EPYC: variants seen among roughly 807,000 people sequenced by gnomAD.
EPYC encodes epiphycan.
In EPYC, 28 loss-of-function variants were observed where a neutral mutation model predicts 30.1. The observed-to-expected ratio is 0.93, with a 90% CI of 0.69 to 1.28. The LOEUF (loss-of-function observed/expected upper bound fraction) is 1.28. Ranked by LOEUF, EPYC falls within the 50% of genes most tolerant of loss-of-function variation. The pLI is 0.00. For missense variants in EPYC, 382 were observed against 383.5 expected, an observed-to-expected ratio of 1.00 and a Z score of 0.03; for synonymous variants, 144 against 141.4, an observed-to-expected ratio of 1.02 and a Z score of -0.13.
intron 2 of EPYC, among the ~76,000 whole-genome samples, chr12:90,993,702 A>C (rs1877637324): frequency 6.6e-6 from 1 of 151,370 alleles, no homozygotes; most frequent in East Asian, 1.9e-4. Context: ...TAATATATAT[A>C]AGATATGATA....
intron 2 of EPYC, among the ~76,000 whole-genome samples, chr12:90,996,892 G>A (rs143499201): frequency 7.1e-4 from 108 of 151,974 alleles, no homozygotes; most frequent in African/African-American, 2.3e-3. Context: ...AACAACATAT[G>A]GTAATACTTT....
At chr12:91,004,146 A>G (rs1877896444) in intron 1 of EPYC, among the ~76,000 whole-genome samples, 1 of 152,276 alleles carries the variant, frequency 6.6e-6, no homozygotes, top group South Asian at 2.1e-4. Context: ...AAACATTAAC[A>G]GAAGCCACTA....
intron 5 of EPYC, among the ~76,000 whole-genome samples, chr12:90,971,450 A>G (rs1877041198): frequency 6.6e-6 from 1 of 152,044 alleles, no homozygotes; most frequent in African/African-American, 2.4e-5. Flanking sequence ...CGGGAGGATC[A>G]CTGGAGCCCA....
At chr12:90,974,711 G>C (rs1298101758) in intron 3 of EPYC, among the ~76,000 whole-genome samples, 1 of 152,080 alleles carries the variant, frequency 6.6e-6, no homozygotes, top group Non-Finnish European at 1.5e-5. Context: ...TAGATTATTT[G>C]TCTGGAAACA....
At chr12:90,979,402 T>C (rs907654379) in intron 2 of EPYC, among the ~76,000 whole-genome samples, 8 of 152,164 alleles carry the variant, frequency 5.3e-5, no homozygotes, top group Non-Finnish European at 1.2e-4. Context: ...TATTTCTGGA[T>C]TACTTAATAC....
At chr12:90,978,380 A>C (rs935556866) in intron 2 of EPYC, 118 bp from the exon 3 acceptor site, 8 of 941,814 alleles carry the variant, frequency 8.5e-6, no homozygotes, top group African/African-American at 3.5e-5. Flanking sequence ...CATGTTCTAA[A>C]GTTCAATAGT....
At chr12:90,967,753 A>C (rs2120793944) in intron 6 of EPYC, among the ~76,000 whole-genome samples, 1 of 152,282 alleles carries the variant, frequency 6.6e-6, no homozygotes. Flanking sequence ...CAGGAGGATC[A>C]CTTGAGGCCA....
At chr12:90,968,399 T>A (rs946014327) in intron 6 of EPYC, among the ~76,000 whole-genome samples, 2 of 152,168 alleles carry the variant, frequency 1.3e-5, no homozygotes, top group Non-Finnish European at 2.9e-5. Context: ...TAGTTTTGGG[T>A]CTAGAATTTC....
At chr12:90,987,341 T>C (rs1877476351) in intron 2 of EPYC, among the ~76,000 whole-genome samples, 1 of 149,524 alleles carries the variant, frequency 6.7e-6, no homozygotes, top group African/African-American at 2.4e-5. Context: ...ACAGAAACAT[T>C]CCAAGCTTGT....
At chr12:90,966,177 GA>G (rs1278381696) in intron 6 of EPYC, among the ~76,000 whole-genome samples, 1 of 151,926 alleles carries the variant, frequency 6.6e-6, no homozygotes, top group Non-Finnish European at 1.5e-5. Flanking sequence ...GCTCAATACT[GA>G]ATAGAAGTGG....
intron 2 of EPYC, among the ~76,000 whole-genome samples, chr12:90,986,774 A>G (rs1185622465): frequency 1.3e-5 from 2 of 152,172 alleles, no homozygotes. Context: ...CAGGACTATG[A>G]GCTGAATAAA....
intron 1 of EPYC, among the ~76,000 whole-genome samples, chr12:91,004,558 AC>A (rs1283891571): frequency 1.3e-5 from 2 of 152,088 alleles, no homozygotes; most frequent in Non-Finnish European, 2.9e-5. Context: ...TCATTACAAT[AC>A]TTTTAATCTC....
intron 2 of EPYC, among the ~76,000 whole-genome samples, chr12:90,983,412 C>T (rs968632661): frequency 6.6e-6 from 1 of 152,140 alleles, no homozygotes; most frequent in Non-Finnish European, 1.5e-5. Context: ...TTAAAAGCAA[C>T]TAGTGCGGCT....
chr12:90,996,692 C>T (rs1015315116), intron 2 of EPYC, among the ~76,000 whole-genome samples: 1 of 151,968 alleles, frequency 6.6e-6, no homozygotes, highest in African/African-American at 2.4e-5. Context: ...AATCTAGCCA[C>T]TTTATCTGTC....
chr12:90,988,673 A>G (rs1226610739), intron 2 of EPYC, among the ~76,000 whole-genome samples: 1 of 152,160 alleles, frequency 6.6e-6, no homozygotes, highest in Non-Finnish European at 1.5e-5. Flanking sequence ...GAAAATGTCT[A>G]TATTATGGCA....
chr12:91,003,516 A>G (rs1216463372), intron 1 of EPYC, among the ~76,000 whole-genome samples: 1 of 152,026 alleles, frequency 6.6e-6, no homozygotes, highest in Non-Finnish European at 1.5e-5. Context: ...TGAGGATTCA[A>G]TCAAGATCCT....
intron 5 of EPYC, 45 bp downstream of exon 5, chr12:90,971,755 A>T: frequency 8.7e-7 from 1 of 1,149,698 alleles, no homozygotes; most frequent in Non-Finnish European, 1.2e-6. Context: ...ATGACAGCAA[A>T]TAAAATTGGA....
chr12:90,982,259 G>T (rs1381966078), intron 2 of EPYC, among the ~76,000 whole-genome samples: 1 of 152,020 alleles, frequency 6.6e-6, no homozygotes, highest in Non-Finnish European at 1.5e-5. Context: ...TGTAGATGTA[G>T]TAAGAATGGA....
Position 91,002,557 on chromosome 12 carries a change from T to C in EPYC, c.9A>G (p.Thr3=). Residue 3 remains threonine, a synonymous_variant, in exon 2 of 7, where the codon ACA becomes ACG. Transcript: ENST00000261172. ...CAAGTCCCAGAACAAGTCCTGCTAA[T>C]GTCTTCATTTTTCAAGCTTTCCTAA... The part of the protein sequence containing the change: MK[T]LAGLVLGLVI... The C allele has an allele frequency of 3.7e-6, 6 of 1,604,256 alleles. No homozygotes were observed. The highest frequency in any genetic ancestry group is 1.7e-4 in the Middle Eastern group (1 of 6,022).
Sources: gnomAD v4.1 joint callset for allele counts (sites outside exome capture counted in the v4.1 genomes callset) on GRCh38, gnomAD v4.1.1 for gene constraint, MANE v1.5 for transcripts, NCBI Gene and HGNC (gene_info 2026-07-23, HGNC 2026-07-21) for gene names.